Variants in RBFOX3 observed in about 807,000 individuals in gnomAD.
RBFOX3 encodes RNA binding fox-1 homolog 3, also known as RNA binding protein fox-1 homolog 3.
A neutral mutation model predicts 48.7 loss-of-function variants in RBFOX3; 17 were observed. The ratio of observed to expected loss-of-function variants is 0.35; its 90% CI spans 0.24 to 0.52. The LOEUF (loss-of-function observed/expected upper bound fraction) is 0.52, where lower values mean the gene tolerates loss of function less well. Among genes scored for constraint, RBFOX3 ranks in the 20% least tolerant of loss-of-function variants. RBFOX3 has a pLI of 0.94. For synonymous variants in RBFOX3, 212 were observed against 209.5 expected, an observed-to-expected ratio of 1.01 and a Z score of -0.10; for missense variants, 382 against 497.5, an observed-to-expected ratio of 0.77 and a Z score of 2.21.
the RBFOX3 span, among the ~76,000 whole-genome samples, chr17:79,639,618 A>G: frequency 6.6e-6 from 1 of 152,220 alleles, no homozygotes; most frequent in Non-Finnish European, 1.5e-5. Context: ...ACTGAACTCA[A>G]CAACACATTA....
Position 79,608,132 on chromosome 17 carries a change from G to T in RBFOX3, c.-320+2694C>A, listed in dbSNP as rs1188732319. On this transcript the variant is annotated intron_variant, in intron 1 of 14. Transcript: ENST00000693108. ...AGGAGGGCAGGCTGTGGAGGCCCCG[G>T]CCCTGTCCTTGGTGCTGGCGCCCGC... Among the ~76,000 whole-genome samples, 11 of 152,302 alleles carry T rather than the reference G, an allele frequency of 7.2e-5. No homozygotes were observed. In the East Asian group the frequency reaches 1.9e-3, roughly 27 times the overall value.
the RBFOX3 span, among the ~76,000 whole-genome samples, chr17:79,647,364 A>C: frequency 6.6e-6 from 1 of 152,078 alleles, no homozygotes; most frequent in Non-Finnish European, 1.5e-5. Flanking sequence ...CCTCTGCCTC[A>C]ACGCAGTGCG....
At chr17:79,523,619 T>C (rs2086412760) in intron 1 of RBFOX3, among the ~76,000 whole-genome samples, 1 of 152,142 alleles carries the variant, frequency 6.6e-6, no homozygotes, top group Non-Finnish European at 1.5e-5. Context: ...CCCCATTGGT[T>C]CATGGACAGA....
At chr17:79,514,528 C>T (rs2084971010) in intron 1 of RBFOX3, among the ~76,000 whole-genome samples, 1 of 152,234 alleles carries the variant, frequency 6.6e-6, no homozygotes, top group Non-Finnish European at 1.5e-5. Context: ...GACAAAGCAC[C>T]GCTGTCTCCT....
intron 3 of RBFOX3, among the ~76,000 whole-genome samples, chr17:79,273,800 C>G (rs563943204): frequency 3.5e-4 from 54 of 152,346 alleles, no homozygotes; most frequent in African/African-American, 1.3e-3. Flanking sequence ...AAGAGCTGGG[C>G]TGCAGGGAGC....
Position 79,421,629 on chromosome 17 carries a change from C to A in RBFOX3, c.-175+60825G>T, listed in dbSNP as rs2066398600. The stretch of plus-strand genomic sequence containing the variant: ...GACACAAGGAACATGGACCCCTGAC[C>A]AGGGCATGCGGGACCCCAGGGGCAC... On this transcript the variant is annotated intron_variant, in intron 2 of 14. Transcript: ENST00000693108. This position sits in a 1 kb window ranked among gnomAD's most constrained non-coding sequence, Gnocchi z 4.5. Among the ~76,000 whole-genome samples the A allele has an allele frequency of 6.6e-6, 1 of 152,122 alleles. No homozygotes were observed. The highest frequency in any genetic ancestry group is 2.4e-5 in the African/African-American group (1 of 41,428).
intron 1 of RBFOX3, among the ~76,000 whole-genome samples, chr17:79,498,216 G>A (rs113807545): frequency 0.021 from 3,227 of 152,248 alleles, 140 homozygotes; most frequent in African/African-American, 0.075. Context: ...CAGGGATCCC[G>A]CCATGACATC....
chr17:79,466,986 A>G (rs1290935876), intron 2 of RBFOX3, among the ~76,000 whole-genome samples: 2 of 152,222 alleles, frequency 1.3e-5, no homozygotes, highest in Non-Finnish European at 2.9e-5. Flanking sequence ...CTGTCTGTGA[A>G]CCAGGTACAG....
chr17:79,266,479 G>GT (rs1378197515), intron 3 of RBFOX3, among the ~76,000 whole-genome samples: 2 of 152,206 alleles, frequency 1.3e-5, no homozygotes, highest in Non-Finnish European at 2.9e-5. Flanking sequence ...TGTTTGCTAA[G>GT]TTTCTGTGTT....
intron 2 of RBFOX3, among the ~76,000 whole-genome samples, chr17:79,325,857 G>A (rs1007267044): frequency 1.3e-5 from 2 of 152,184 alleles, no homozygotes; most frequent in Admixed American, 1.3e-4. Context: ...GTTCCGTTTA[G>A]CTTGCAGAAA....
chr17:79,310,138 G>A (rs769961881), intron 2 of RBFOX3, among the ~76,000 whole-genome samples: 1 of 152,156 alleles, frequency 6.6e-6, no homozygotes, highest in Non-Finnish European at 1.5e-5. Flanking sequence ...CCCCGGACGC[G>A]GTGTTCCAAC....
chr17:79,602,232 C>G (rs1010130548), intron 1 of RBFOX3, among the ~76,000 whole-genome samples: 6 of 152,254 alleles, frequency 3.9e-5, no homozygotes, highest in African/African-American at 1.4e-4. Flanking sequence ...CCCTCCCGCC[C>G]TTTGGCCATC....
intron 2 of RBFOX3, among the ~76,000 whole-genome samples, chr17:79,315,217 A>C (rs1321369229): frequency 6.6e-6 from 1 of 152,196 alleles, no homozygotes; most frequent in Non-Finnish European, 1.5e-5. Context: ...GGAGGGAGCC[A>C]CTTCCCAAGA....
At chr17:79,309,117 A>AAC (rs1039700013) in intron 2 of RBFOX3, among the ~76,000 whole-genome samples, 10 of 151,490 alleles carry the variant, frequency 6.6e-5, no homozygotes, top group Non-Finnish European at 1.2e-4. Flanking sequence ...AAAAAAAAAA[A>AAC]AAACTAAATG....
At chr17:79,354,754 C>T (rs1388102256) in intron 2 of RBFOX3, among the ~76,000 whole-genome samples, 1 of 152,244 alleles carries the variant, frequency 6.6e-6, no homozygotes, top group African/African-American at 2.4e-5. Flanking sequence ...GGGACCTCAC[C>T]TCCAACTCCG....
intron 4 of RBFOX3, among the ~76,000 whole-genome samples, chr17:79,136,940 T>A (rs2040352059): frequency 6.6e-6 from 1 of 152,076 alleles, no homozygotes; most frequent in African/African-American, 2.4e-5. Context: ...GGAGGCTCCA[T>A]CCCAGGGGCG....
At chr17:79,115,257 G>T (rs2033563404) in intron 5 of RBFOX3, among the ~76,000 whole-genome samples, 1 of 152,218 alleles carries the variant, frequency 6.6e-6, no homozygotes, top group Non-Finnish European at 1.5e-5. Context: ...TCCTCCAGAT[G>T]CCTGCTCATC....
intron 4 of RBFOX3, among the ~76,000 whole-genome samples, chr17:79,197,212 C>T (rs988767241): frequency 1.3e-5 from 2 of 150,896 alleles, no homozygotes; most frequent in Admixed American, 6.6e-5. Context: ...ATGCAGCCCT[C>T]CGTCGGGGCT....
chr17:79,281,844 C>CGTCCT (rs1368960302), intron 3 of RBFOX3, among the ~76,000 whole-genome samples: 34 of 152,288 alleles, frequency 2.2e-4, no homozygotes, highest in African/African-American at 6.5e-4. Flanking sequence ...CAAGCTCACC[C>CGTCCT]GTCCTGGCAT....
Sources: gnomAD v4.1 joint callset for allele counts (sites outside exome capture counted in the v4.1 genomes callset) on GRCh38, gnomAD v4.1.1 for gene constraint, Gnocchi (gnomAD v3.1) non-coding constraint, MANE v1.5 for transcripts, NCBI Gene and HGNC (gene_info 2026-07-23, HGNC 2026-07-21) for gene names.